Variants in TENM3 observed in about 807,000 individuals in gnomAD.
TENM3 encodes the protein teneurin transmembrane protein 3.
Under a neutral mutation model 255.1 loss-of-function variants are expected in TENM3, and 63 were observed. The observed-to-expected ratio is 0.25, with a 90% CI of 0.20 to 0.30. The LOEUF is 0.30. TENM3 is among the 10% of genes least tolerant of loss of function. The pLI, the probability that TENM3 is intolerant of heterozygous loss-of-function variation, is 1.00. For missense variants in TENM3, 2,929 were observed against 3,461.1 expected (o/e 0.85, Z 3.86); for synonymous variants, 1,306 against 1,322.3 (o/e 0.99, Z 0.27).
At chr4:181,735,464 T>C in the TENM3 span, among the ~76,000 whole-genome samples, 1 of 152,176 alleles carries the variant, frequency 6.6e-6, no homozygotes, top group Non-Finnish European at 1.5e-5. Flanking sequence ...TTAAAATATA[T>C]AAACTTACTG....
At chr4:181,828,030 T>C in the TENM3 span, among the ~76,000 whole-genome samples, 1 of 152,340 alleles carries the variant, frequency 6.6e-6, no homozygotes, top group East Asian at 1.9e-4. Flanking sequence ...GAGTTCTGCC[T>C]GCTTGGAAAC....
At chr4:182,389,903 T>C (rs1768305348) in intron 3 of TENM3, among the ~76,000 whole-genome samples, 1 of 152,104 alleles carries the variant, frequency 6.6e-6, no homozygotes. Flanking sequence ...GCCAGGATGG[T>C]CTCCGTCTCC....
chr4:181,623,234 G>C, the TENM3 span, among the ~76,000 whole-genome samples: 2 of 152,156 alleles, frequency 1.3e-5, no homozygotes, highest in Non-Finnish European at 2.9e-5. Context: ...TAACCTCTCT[G>C]TGCCTCAGCT....
chr4:182,529,689 A>G (rs1369357292), intron 3 of TENM3, among the ~76,000 whole-genome samples: 1 of 152,130 alleles, frequency 6.6e-6, no homozygotes, highest in Non-Finnish European at 1.5e-5. Context: ...TCATTTGTTC[A>G]TTTATTCCTT....
chr4:182,657,656 T>A (rs2152523302), intron 6 of TENM3, among the ~76,000 whole-genome samples: 1 of 152,292 alleles, frequency 6.6e-6, no homozygotes, highest in East Asian at 1.9e-4. Flanking sequence ...TATTTGTTTA[T>A]TTATTTACTT....
the TENM3 span, among the ~76,000 whole-genome samples, chr4:181,767,925 G>T: frequency 6.7e-6 from 1 of 149,562 alleles, no homozygotes; most frequent in Non-Finnish European, 1.5e-5. Flanking sequence ...GTATCCTCAG[G>T]TTTAAGAAAA....
the TENM3 span, among the ~76,000 whole-genome samples, chr4:181,567,189 G>A: frequency 6.6e-6 from 1 of 152,174 alleles, no homozygotes; most frequent in Non-Finnish European, 1.5e-5. Context: ...ATACCTAAAA[G>A]CCTATCTCTT....
At chr4:181,823,037 A>T in the TENM3 span, among the ~76,000 whole-genome samples, 1,241 of 152,324 alleles carry the variant, frequency 8.1e-3, 21 homozygotes, top group African/African-American at 0.029. Flanking sequence ...GAATGGATTA[A>T]TTGAGACAGA....
intron 11 of TENM3, among the ~76,000 whole-genome samples, chr4:182,687,412 ACCTAACCTGGTATTAAAAC>A (rs924852287): frequency 6.6e-6 from 1 of 152,146 alleles, no homozygotes; most frequent in Non-Finnish European, 1.5e-5. Flanking sequence ...CTTTTTAAAG[ACCTAACCTGGTATTAAAAC>A]ATTTGAATTC....
chr4:181,786,687 A>G, the TENM3 span, among the ~76,000 whole-genome samples: 1 of 139,784 alleles, frequency 7.2e-6, no homozygotes, highest in Non-Finnish European at 1.6e-5. Context: ...GAGAGTGTTT[A>G]AGACAATCAC....
chr4:181,703,635 G>A, the TENM3 span, among the ~76,000 whole-genome samples: 1 of 152,108 alleles, frequency 6.6e-6, no homozygotes, highest in Non-Finnish European at 1.5e-5. Context: ...GTTCTTGGGA[G>A]GCTGTTTCCT....
the TENM3 span, among the ~76,000 whole-genome samples, chr4:181,479,123 T>C: frequency 6.6e-6 from 1 of 152,210 alleles, no homozygotes; most frequent in African/African-American, 2.4e-5. Flanking sequence ...AAAGTCAAAT[T>C]TTAAATGATT....
At chr4:182,784,365 C>CG (rs1765441508) in intron 24 of TENM3, among the ~76,000 whole-genome samples, 1 of 151,914 alleles carries the variant, frequency 6.6e-6, no homozygotes, top group Non-Finnish European at 1.5e-5. Flanking sequence ...TTAGGCTGCT[C>CG]AGGGGTCAGG....
chr4:181,952,841 T>A, the TENM3 span, among the ~76,000 whole-genome samples: 1 of 152,250 alleles, frequency 6.6e-6, no homozygotes, highest in South Asian at 2.1e-4. Context: ...AGAGCAGAGC[T>A]GTCACTGTTT....
At chr4:181,912,333 T>C in the TENM3 span, among the ~76,000 whole-genome samples, 1 of 152,194 alleles carries the variant, frequency 6.6e-6, no homozygotes, top group Admixed American at 6.5e-5. Context: ...ATCTAGAGAA[T>C]ATGATGAGCA....
chr4:182,304,047 C>T (rs936940461), intron 1 of TENM3, among the ~76,000 whole-genome samples: 3 of 151,414 alleles, frequency 2.0e-5, no homozygotes, highest in African/African-American at 7.3e-5. Flanking sequence ...AGCATTTTTG[C>T]TAGATCATCA....
the TENM3 span, among the ~76,000 whole-genome samples, chr4:181,920,572 A>G: frequency 6.6e-6 from 1 of 151,652 alleles, no homozygotes; most frequent in Non-Finnish European, 1.5e-5. Context: ...CCCACTTTTA[A>G]TGGGGTTGTT....
At chr4:182,771,792 G>T (rs1764251727) in intron 22 of TENM3, among the ~76,000 whole-genome samples, 1 of 152,162 alleles carries the variant, frequency 6.6e-6, no homozygotes, top group Non-Finnish European at 1.5e-5. Context: ...TTTCATTTAT[G>T]CCTTCCTTTG....
intron 3 of TENM3, among the ~76,000 whole-genome samples, chr4:182,365,667 A>G (rs1471439594): frequency 6.6e-6 from 1 of 152,214 alleles, no homozygotes; most frequent in African/African-American, 2.4e-5. Context: ...TGGGAGGTAA[A>G]TCTCTTTTCA....
Sources: gnomAD v4.1 joint callset for allele counts (sites outside exome capture counted in the v4.1 genomes callset) on GRCh38, gnomAD v4.1.1 for gene constraint, MANE v1.5 for transcripts, NCBI Gene and HGNC (gene_info 2026-07-23, HGNC 2026-07-21) for gene names.